The following CNTN4 variants were observed in gnomAD, a reference collection of about 807,000 sequenced individuals.
CNTN4 encodes contactin 4, also known as contactin-4.
CNTN4 carries 77 observed loss-of-function variants against 122.5 expected under a neutral mutation model. The observed-to-expected ratio is 0.63, with a 90% confidence interval of 0.52 to 0.76. CNTN4 has a LOEUF of 0.76. Ranked by LOEUF, CNTN4 falls within the 30% of genes least tolerant of loss-of-function variation. CNTN4 has a pLI of 0.00. For synonymous variants in CNTN4, 512 were observed against 447.0 expected (o/e 1.15, Z -1.83); for missense variants, 1,256 against 1,259.1 (o/e 1.00, Z 0.04).
intron 4 of CNTN4, among the ~76,000 whole-genome samples, chr3:2,588,092 G>T (rs562223123): frequency 5.9e-5 from 9 of 151,722 alleles, no homozygotes; most frequent in African/African-American, 1.9e-4. Flanking sequence ...TTACTTGAAG[G>T]AACTTTATCA....
intron 2 of CNTN4, among the ~76,000 whole-genome samples, chr3:2,142,627 G>A (rs2035051949): frequency 6.6e-6 from 1 of 152,190 alleles, no homozygotes. Context: ...AGAGGCGCAA[G>A]CCACTGTGCC....
intron 14 of CNTN4, among the ~76,000 whole-genome samples, chr3:3,002,000 G>A (rs1231216200): frequency 6.6e-6 from 1 of 152,116 alleles, no homozygotes; most frequent in African/African-American, 2.4e-5. Flanking sequence ...GAAATCTGAA[G>A]CAAATTGAGG....
Position 2,671,719 on chromosome 3 carries a change from G to A in CNTN4, c.56-64496G>A, listed in dbSNP as rs186177187. On this transcript the variant is annotated intron_variant, in intron 4 of 24. Transcript: ENST00000418658. Reference sequence around the variant, plus strand: ...TCTGTTTTTTCCCCATCTTTGTGGGGAAAGGTCTACCTTTGGTCTTTGATG... The same window carrying A: ...TCTGTTTTTTCCCCATCTTTGTGGGAAAAGGTCTACCTTTGGTCTTTGATG... 6.2e-3 allele frequency among the ~76,000 whole-genome samples: 949 copies of A among 152,218 alleles called. 4 individuals are homozygous for A. Among genetic ancestry groups the A allele is most frequent in the Non-Finnish European group, 0.01 (701 of 68,014 alleles).
chr3:2,419,420 A>G lies in CNTN4; in HGVS notation c.-89+80187A>G, dbSNP rs900465785. The stretch of plus-strand genomic sequence containing the variant: ...TACCTCTGGAGATTCTCATGTGTTC[A>G]GGATATATTCAACGTTTATTTGTTC... On this transcript the variant is annotated intron_variant, in intron 3 of 24. Transcript: ENST00000418658. Among the ~76,000 whole-genome samples the G allele has an allele frequency of 2.6e-5, 4 of 152,184 alleles. 1 individual carries two copies. The South Asian group carries it at 6.2e-4, about 24-fold the overall frequency.
chr3:2,137,366 C>T (rs1318204247), intron 2 of CNTN4, among the ~76,000 whole-genome samples: 1 of 152,134 alleles, frequency 6.6e-6, no homozygotes, highest in African/African-American at 2.4e-5. Flanking sequence ...TGCCTTGCCA[C>T]TGCAGAAAAA....
intron 6 of CNTN4, among the ~76,000 whole-genome samples, chr3:2,775,476 G>A (rs1177879304): frequency 6.6e-6 from 1 of 152,108 alleles, no homozygotes; most frequent in African/African-American, 2.4e-5. Flanking sequence ...CTGGAGTGCA[G>A]TGGCACGATC....
chr3:2,227,314 A>G (rs530626119), intron 2 of CNTN4, among the ~76,000 whole-genome samples: 27 of 152,300 alleles, frequency 1.8e-4, no homozygotes, highest in African/African-American at 6.0e-4. Flanking sequence ...TGCTAGGTAA[A>G]TAGTTCCAAA....
At chr3:3,005,925 G>T (rs989617281) in intron 14 of CNTN4, among the ~76,000 whole-genome samples, 1 of 142,120 alleles carries the variant, frequency 7.0e-6, no homozygotes, top group Non-Finnish European at 1.5e-5. Flanking sequence ...TCACTGTGTC[G>T]CCCAGGCTGG....
At chr3:2,726,841 A>G (rs1172731425) in intron 4 of CNTN4, among the ~76,000 whole-genome samples, 5 of 152,170 alleles carry the variant, frequency 3.3e-5, no homozygotes, top group Non-Finnish European at 7.3e-5. Context: ...GTTAATATGC[A>G]TGCATTCATA....
rs184322052 is a variant in CNTN4, at chr3:2,548,678, T to A, written c.-88-22738T>A. 5.3e-5 allele frequency among the ~76,000 whole-genome samples: 8 copies of A among 152,296 alleles called. No homozygotes were observed. The East Asian group carries it at 1.4e-3, about 26-fold the overall frequency. ...TATGGGCTCTTTTTTTGGTTCCATA[T>A]GAAATTTGAAGTAGTTTTTTCTAAT... On this transcript the variant is annotated intron_variant, in intron 3 of 24. Transcript: ENST00000418658.
At chr3:2,471,030 A>T (rs1168400304) in intron 3 of CNTN4, among the ~76,000 whole-genome samples, 4 of 152,212 alleles carry the variant, frequency 2.6e-5, no homozygotes, top group African/African-American at 9.7e-5. Context: ...TTATTGGTTG[A>T]ATTAATTTTG....
intron 4 of CNTN4, among the ~76,000 whole-genome samples, chr3:2,699,013 G>C (rs1037552068): frequency 8.3e-6 from 1 of 119,892 alleles, no homozygotes; most frequent in African/African-American, 3.1e-5. Flanking sequence ...ACAAGAGCGA[G>C]ACTCTGTCTT....
chr3:2,300,663 C>T lies in CNTN4; in HGVS notation c.-144-38515C>T, dbSNP rs557862558. On this transcript the variant is annotated intron_variant, in intron 2 of 24. Coordinates refer to ENST00000418658, the MANE Select transcript of CNTN4 (RefSeq NM_175607.3). ...CTCGGCTCACTGCAACCTCTGCCTC[C>T]CGGGTTCAAGCGATTTCCCTGCCTC... is the stretch of plus-strand genomic sequence containing the variant. 9.4e-5 allele frequency among the ~76,000 whole-genome samples: 14 copies of T among 149,590 alleles called. No individual in the cohort carries two copies. The South Asian group carries it at 1.7e-3, about 18-fold the overall frequency.
At chr3:2,793,615 G>A (rs1174247489) in intron 6 of CNTN4, among the ~76,000 whole-genome samples, 2 of 152,114 alleles carry the variant, frequency 1.3e-5, no homozygotes, top group Admixed American at 6.5e-5. Context: ...TGTTTTGATA[G>A]TATCATTTCT....
chr3:2,102,629 C>T (rs80120680), intron 2 of CNTN4, among the ~76,000 whole-genome samples: 2,552 of 152,286 alleles, frequency 0.017, 56 homozygotes, highest in African/African-American at 0.057. Flanking sequence ...AGCAGGGTCA[C>T]TGTGCTTACT....
intron 2 of CNTN4, among the ~76,000 whole-genome samples, chr3:2,333,236 C>T (rs181327177): frequency 6.6e-6 from 1 of 152,310 alleles, no homozygotes; most frequent in African/African-American, 2.4e-5. Flanking sequence ...AACTGTTTAT[C>T]TTGTAGTCAA....
intron 4 of CNTN4, among the ~76,000 whole-genome samples, chr3:2,606,067 C>T (rs182650144): frequency 6.6e-6 from 1 of 152,086 alleles, no homozygotes; most frequent in East Asian, 1.9e-4. Context: ...GGCAGACACA[C>T]ATGTAGTGCA....
In CNTN4 at chr3:2,408,720, G is replaced by A. The variant is rs549996704; in HGVS notation, c.-89+69487G>A. On this transcript the variant is annotated intron_variant, in intron 3 of 24. Transcript: ENST00000418658. ...AACTCCTCCTCATGACAAAAATATA[G>A]TATTTATCAATACTAGGTGAAAATA... 3.9e-4 allele frequency among the ~76,000 whole-genome samples: 59 copies of A among 152,210 alleles called. 1 individual carries two copies. The highest frequency in any genetic ancestry group is 1.3e-3 in the African/African-American group (52 of 41,528).
At chr3:2,354,442 A>T (rs892882588) in intron 3 of CNTN4, among the ~76,000 whole-genome samples, 1 of 152,168 alleles carries the variant, frequency 6.6e-6, no homozygotes. Context: ...GAGGCAGGAG[A>T]ATCACTTGAA....
Sources: allele counts gnomAD v4.1 joint callset (sites outside exome capture counted in the v4.1 genomes callset), GRCh38; gene constraint gnomAD v4.1.1; transcripts MANE v1.5; gene names NCBI Gene and HGNC (gene_info 2026-07-23, HGNC 2026-07-21).